Variants in NBEA observed in about 807,000 individuals in gnomAD.
NBEA encodes lysosomal-trafficking regulator 2.
In NBEA, 44 loss-of-function variants were observed where a neutral mutation model predicts 343.4. The ratio of observed to expected loss-of-function variants is 0.13; its 90% CI spans 0.10 to 0.16. NBEA has a LOEUF of 0.16. NBEA is among the 10% of genes least tolerant of loss of function. The pLI is 1.00. For synonymous variants in NBEA, 1,175 were observed against 1,238.7 expected, an observed-to-expected ratio of 0.95 and a Z score of 1.08; for missense variants, 2,555 against 3,631.3, an observed-to-expected ratio of 0.70 and a Z score of 7.62.
chr13:35,118,838 G>C lies in NBEA; in HGVS notation c.2243+364G>C, dbSNP rs148750150. Among the ~76,000 whole-genome samples, 23 of 151,848 alleles carry C rather than the reference G, an allele frequency of 1.5e-4. No homozygotes were observed. In the East Asian group the frequency reaches 3.1e-3, roughly 20 times the overall value. On this transcript the variant is annotated intron_variant, in intron 16 of 58. Transcript: ENST00000379939. ...GAGAGATTATAGCCAGATTTGGAAG[G>C]TTCATAGAATGGTAATAACTTTAGT...
Position 35,110,759 on chromosome 13 carries a change from A to T in NBEA, c.1834-51A>T, listed in dbSNP as rs1308803126. ...AAAACTGAATGTATATAATATGAGC[A>T]CTTGAGGCATTTTAAATTCATTTTA... On this transcript the variant is annotated intron_variant, in intron 12 of 58. Transcript: ENST00000379939. The T allele has an allele frequency of 4.8e-6, 7 of 1,464,160 alleles. No individual in the cohort carries two copies. In the African/African-American group the frequency reaches 5.6e-5, roughly 12 times the overall value. 90.7% of individuals were successfully genotyped at this position (1,464,160 alleles called of 1,614,324 possible). A position where few individuals can be genotyped will look rare whatever the true frequency, so the allele number is the denominator to read the frequency against.
At chr13:35,269,310 T>G (rs2033944786) in intron 34 of NBEA, among the ~76,000 whole-genome samples, 1 of 152,056 alleles carries the variant, frequency 6.6e-6, no homozygotes, top group African/African-American at 2.4e-5. Context: ...AAATAGGACC[T>G]GAAGTGAAAA....
chr13:35,345,783 T>C (rs2039836073), intron 36 of NBEA, among the ~76,000 whole-genome samples: 1 of 152,024 alleles, frequency 6.6e-6, no homozygotes, highest in African/African-American at 2.4e-5. Context: ...GCAGCAAGGA[T>C]AGGAGATCAT....
chr13:35,549,537 A>G (rs999255382), intron 41 of NBEA, among the ~76,000 whole-genome samples: 9 of 152,152 alleles, frequency 5.9e-5, no homozygotes, highest in Non-Finnish European at 1.2e-4. Flanking sequence ...GGTAACCAGA[A>G]GTCCAGATGT....
chr13:34,977,823 C>CT (rs35468103), intron 1 of NBEA, among the ~76,000 whole-genome samples: 33 of 150,136 alleles, frequency 2.2e-4, no homozygotes, highest in African/African-American at 5.1e-4. Context: ...ATTTAAAGTT[C>CT]TTTTTTTTTT....
chr13:35,383,872 A>G (rs1385596931), intron 38 of NBEA, among the ~76,000 whole-genome samples: 1 of 152,080 alleles, frequency 6.6e-6, no homozygotes, highest in African/African-American at 2.4e-5. Context: ...TGTGTGTATG[A>G]GCATGTTTAA....
chr13:35,564,420 G>T (rs1475327805), intron 44 of NBEA, among the ~76,000 whole-genome samples: 1 of 151,940 alleles, frequency 6.6e-6, no homozygotes, highest in African/African-American at 2.4e-5. Flanking sequence ...TCTAAACTCT[G>T]CCATGGACCC....
intron 4 of NBEA, among the ~76,000 whole-genome samples, chr13:35,047,962 G>A (rs1224813681): frequency 6.6e-6 from 1 of 151,604 alleles, no homozygotes; most frequent in Non-Finnish European, 1.5e-5. Context: ...TTTCAAGGGA[G>A]TCCTATATTA....
intron 17 of NBEA, among the ~76,000 whole-genome samples, chr13:35,130,050 A>G (rs1471788562): frequency 3.3e-5 from 5 of 152,124 alleles, no homozygotes; most frequent in South Asian, 4.1e-4. Flanking sequence ...TGTTAAAGGA[A>G]TGGAACAAAT....
chr13:35,169,109 A>T, intron 25 of NBEA, 114 bp downstream of exon 25: 1 of 709,766 alleles, frequency 1.4e-6, no homozygotes, highest in Non-Finnish European at 2.2e-6. Context: ...CTTTAACATG[A>T]GACATATCTT....
chr13:35,535,310 AGTTTTGTTTT>A (rs200212490), intron 41 of NBEA, among the ~76,000 whole-genome samples: 2 of 152,164 alleles, frequency 1.3e-5, no homozygotes, highest in African/African-American at 4.8e-5. Context: ...TTTTTTGTTT[AGTTTTGTTTT>A]GTTTTGTTTT....
intron 41 of NBEA, among the ~76,000 whole-genome samples, chr13:35,496,429 G>C (rs538949323): frequency 6.6e-6 from 1 of 151,812 alleles, no homozygotes; most frequent in Non-Finnish European, 1.5e-5. Context: ...GAGCCCAGGG[G>C]TTTGAGACCC....
chr13:34,960,440 A>G (rs1439729020), intron 1 of NBEA, among the ~76,000 whole-genome samples: 2 of 152,070 alleles, frequency 1.3e-5, no homozygotes, highest in Non-Finnish European at 2.9e-5. Flanking sequence ...GTGTAGCTCA[A>G]GTATATACAT....
chr13:35,133,391 C>G (rs1485592627), intron 17 of NBEA, among the ~76,000 whole-genome samples: 2 of 152,036 alleles, frequency 1.3e-5, no homozygotes. Flanking sequence ...TCTCCAGTCA[C>G]TGGTGGAATT....
chr13:35,315,983 A>G (rs1258493685), intron 36 of NBEA, among the ~76,000 whole-genome samples: 1 of 150,886 alleles, frequency 6.6e-6, no homozygotes, highest in Non-Finnish European at 1.5e-5. Flanking sequence ...CCTAAAGTAG[A>G]TATTCTGGTT....
intron 39 of NBEA, among the ~76,000 whole-genome samples, chr13:35,445,798 A>ATG (rs1555267149): frequency 1.2e-5 from 1 of 83,960 alleles, no homozygotes; most frequent in Non-Finnish European, 2.4e-5. Context: ...ATATATATAT[A>ATG]TATATATATA....
chr13:35,055,255 G>A (rs540454077), intron 6 of NBEA, among the ~76,000 whole-genome samples: 3 of 151,686 alleles, frequency 2.0e-5, no homozygotes, highest in African/African-American at 7.3e-5. Context: ...TCGATTTTAG[G>A]CTATTAACTC....
chr13:35,005,500 T>A (rs2061288110), intron 1 of NBEA, among the ~76,000 whole-genome samples: 1 of 152,190 alleles, frequency 6.6e-6, no homozygotes, highest in African/African-American at 2.4e-5. Flanking sequence ...TAAACTTAGA[T>A]ATTTTGCTGT....
At position 35,527,986 on chromosome 13, in the gene NBEA, G is replaced by A. The variant is rs116133841; in HGVS notation, c.6586-22491G>A. 3.2e-3 allele frequency among the ~76,000 whole-genome samples: 494 copies of A among 152,238 alleles called. 3 individuals carry two copies. Among genetic ancestry groups the A allele is most frequent in the African/African-American group, 0.011 (475 of 41,558 alleles). On this transcript the variant is annotated intron_variant, in intron 41 of 58. Transcript: ENST00000379939. ...CTCTCCAGCCTGGGTGACAAAGCAA[G>A]ACCCTGTCTCAAAAAATAAAAAAAA... is the stretch of plus-strand genomic sequence containing the variant.
Sources: gnomAD v4.1 joint callset for allele counts (sites outside exome capture counted in the v4.1 genomes callset) on GRCh38, gnomAD v4.1.1 for gene constraint, MANE v1.5 for transcripts, NCBI Gene and HGNC (gene_info 2026-07-23, HGNC 2026-07-21) for gene names.